The following KHDRBS3 variants were observed in gnomAD, a reference collection of about 807,000 sequenced individuals.
The protein encoded by KHDRBS3 is KH RNA binding domain containing, signal transduction associated 3.
KHDRBS3 carries 23 observed loss-of-function variants against 45.6 expected under a neutral mutation model. That is an observed-to-expected ratio of 0.50 (90% CI 0.36 to 0.72). KHDRBS3 has a LOEUF of 0.72. KHDRBS3 is among the 30% of genes least tolerant of loss of function. The probability of loss-of-function intolerance (pLI) is 0.00; values close to 1 mark genes in which losing one functional copy is unlikely to be tolerated. For missense variants in KHDRBS3, 352 were observed against 424.8 expected (o/e 0.83, Z 1.51); for synonymous variants, 162 against 156.5 (o/e 1.04, Z -0.26).
intron 1 of KHDRBS3, among the ~76,000 whole-genome samples, chr8:135,465,928 A>G (rs1410544556): frequency 6.6e-6 from 1 of 152,210 alleles, no homozygotes; most frequent in African/African-American, 2.4e-5. Context: ...TCGTGCTCCC[A>G]TGGGAGAAAA....
At chr8:135,631,252 G>GAAAAAAAAA (rs35613635) in intron 7 of KHDRBS3, among the ~76,000 whole-genome samples, 1 of 74,988 alleles carries the variant, frequency 1.3e-5, no homozygotes, top group Non-Finnish European at 2.3e-5. Flanking sequence ...CTCCGTCTCG[G>GAAAAAAAAA]AAAAAAAAAA....
At chr8:135,627,029 T>C (rs1326017288) in intron 7 of KHDRBS3, among the ~76,000 whole-genome samples, 1 of 152,198 alleles carries the variant, frequency 6.6e-6, no homozygotes, top group African/African-American at 2.4e-5. Flanking sequence ...GCTATCTCTA[T>C]ATCAGAAAAA....
At chr8:135,639,227 A>G (rs1241966044) in intron 7 of KHDRBS3, among the ~76,000 whole-genome samples, 1 of 152,228 alleles carries the variant, frequency 6.6e-6, no homozygotes, top group East Asian at 1.9e-4. Flanking sequence ...TGAAAGGCTA[A>G]CTGGTATAAT....
intron 1 of KHDRBS3, among the ~76,000 whole-genome samples, chr8:135,489,974 A>T (rs1437594399): frequency 6.6e-6 from 1 of 152,056 alleles, no homozygotes; most frequent in Non-Finnish European, 1.5e-5. Flanking sequence ...GCATATTTTT[A>T]CTGTTCCTTT....
chr8:135,644,994 A>G (rs1831221925), intron 7 of KHDRBS3, 65 bp from the exon 8 acceptor site: 7 of 1,532,764 alleles, frequency 4.6e-6, no homozygotes, highest in East Asian at 2.2e-5. Context: ...ACAATACGTT[A>G]TTGAATACTG....
At chr8:135,639,818 C>T (rs897216474) in intron 7 of KHDRBS3, among the ~76,000 whole-genome samples, 16 of 152,202 alleles carry the variant, frequency 1.1e-4, no homozygotes, top group Admixed American at 7.2e-4. Context: ...CACTTATCAC[C>T]GAGGGGATGT....
intron 3 of KHDRBS3, among the ~76,000 whole-genome samples, chr8:135,545,874 A>G (rs1426198112): frequency 6.6e-6 from 1 of 152,198 alleles, no homozygotes; most frequent in Non-Finnish European, 1.5e-5. Context: ...ATGGTGGCTC[A>G]TGCCTGTAAT....
At chr8:135,503,766 C>T (rs951119318) in intron 1 of KHDRBS3, among the ~76,000 whole-genome samples, 15 of 152,228 alleles carry the variant, frequency 9.9e-5, no homozygotes, top group African/African-American at 3.4e-4. Flanking sequence ...AATTTTACCA[C>T]GTCCATACCC....
chr8:135,601,100 A>C (rs1435465573), intron 6 of KHDRBS3, among the ~76,000 whole-genome samples: 1 of 152,198 alleles, frequency 6.6e-6, no homozygotes, highest in Non-Finnish European at 1.5e-5. Context: ...AGATACATGA[A>C]CCAGCTGAGG....
At chr8:135,545,717 T>C (rs548633220) in intron 3 of KHDRBS3, among the ~76,000 whole-genome samples, 1 of 152,322 alleles carries the variant, frequency 6.6e-6, no homozygotes, top group East Asian at 1.9e-4. Flanking sequence ...TGTCCACCTG[T>C]ACTCCTCTCC....
intron 1 of KHDRBS3, among the ~76,000 whole-genome samples, chr8:135,501,187 T>C (rs975858004): frequency 3.9e-5 from 6 of 152,224 alleles, no homozygotes; most frequent in Non-Finnish European, 7.3e-5. Flanking sequence ...TTGAAAGATA[T>C]TTAACTTATA....
At chr8:135,538,331 G>A (rs1825875839) in intron 2 of KHDRBS3, among the ~76,000 whole-genome samples, 1 of 152,126 alleles carries the variant, frequency 6.6e-6, no homozygotes, top group Non-Finnish European at 1.5e-5. Flanking sequence ...ATTGACCAGT[G>A]GAAACAAACA....
intron 5 of KHDRBS3, among the ~76,000 whole-genome samples, chr8:135,559,620 C>G (rs1354955573): frequency 6.6e-6 from 1 of 152,176 alleles, no homozygotes; most frequent in Non-Finnish European, 1.5e-5. Context: ...CTTGGCCTCC[C>G]AAAGTGCTGG....
intron 5 of KHDRBS3, among the ~76,000 whole-genome samples, chr8:135,580,664 G>A (rs1828160422): frequency 1.4e-5 from 2 of 147,254 alleles, no homozygotes; most frequent in South Asian, 4.3e-4. Flanking sequence ...CCAGGCTGGA[G>A]TGCAGTGGTG....
chr8:135,459,746 A>G (rs1014479940), intron 1 of KHDRBS3, among the ~76,000 whole-genome samples: 1 of 152,228 alleles, frequency 6.6e-6, no homozygotes, highest in Middle Eastern at 3.2e-3. Flanking sequence ...CCGTGTTGCC[A>G]TAGTATTGTG....
At chr8:135,583,898 C>T (rs1263257701) in intron 6 of KHDRBS3, among the ~76,000 whole-genome samples, 1 of 152,138 alleles carries the variant, frequency 6.6e-6, no homozygotes, top group African/African-American at 2.4e-5. Flanking sequence ...ACATTCAAGA[C>T]ATTTGGGTTT....
intron 1 of KHDRBS3, among the ~76,000 whole-genome samples, chr8:135,460,617 G>T (rs936039809): frequency 6.6e-6 from 1 of 152,208 alleles, no homozygotes; most frequent in Non-Finnish European, 1.5e-5. Flanking sequence ...TAGTATGATT[G>T]TTTCCAACTG....
rs541959941 is a variant in KHDRBS3, at chr8:135,614,420, A to G, written c.890+7383A>G. Among the ~76,000 whole-genome samples the G allele has an allele frequency of 2.7e-4, 41 of 151,954 alleles. 1 individual carries two copies. The highest frequency in any genetic ancestry group is 9.9e-4 in the African/African-American group (41 of 41,262). The stretch of plus-strand genomic sequence containing the variant: ...ATTCTAAGCTAAGTGGAATTAGTTT[A>G]TATTTGATGTCTTATTTACAATCCT... On this transcript the variant is annotated intron_variant, in intron 7 of 8. Transcript: ENST00000355849.
At position 135,612,860 on chromosome 8, in the gene KHDRBS3, C is replaced by T. The variant is rs1829762167; in HGVS notation, c.890+5823C>T. Among the ~76,000 whole-genome samples, 2 of 151,784 alleles carry T rather than the reference C, an allele frequency of 1.3e-5. 1 individual carries two copies. Among genetic ancestry groups the T allele is most frequent in the African/African-American group, 4.9e-5 (2 of 41,116 alleles). ...AGATGTGCTGGAAGTGTAAAACTCA[C>T]ACCACATTCCAGAGACTTTGTATGA... On this transcript the variant is annotated intron_variant, in intron 7 of 8. Coordinates refer to ENST00000355849, the MANE Select transcript of KHDRBS3 (RefSeq NM_006558.3).
Sources: gnomAD v4.1 joint callset for allele counts (sites outside exome capture counted in the v4.1 genomes callset) on GRCh38, gnomAD v4.1.1 for gene constraint, MANE v1.5 for transcripts, NCBI Gene and HGNC (gene_info 2026-07-23, HGNC 2026-07-21) for gene names.